The following ASIC2 variants were observed in gnomAD, a reference collection of about 807,000 sequenced individuals.
ASIC2 encodes acid sensing ion channel subunit 2, also known as acid-sensing ion channel 2.
Under a neutral mutation model 57.3 loss-of-function variants are expected in ASIC2, and 25 were observed. That is an observed-to-expected ratio of 0.44 (90% CI 0.32 to 0.61). The LOEUF is 0.61. ASIC2 is among the 20% of genes least tolerant of loss of function. The probability of loss-of-function intolerance (pLI) is 0.06; values close to 1 mark genes in which losing one functional copy is unlikely to be tolerated. For synonymous variants in ASIC2, 319 were observed against 307.5 expected (o/e 1.04, Z -0.39); for missense variants, 641 against 738.1 (o/e 0.87, Z 1.52).
intron 3 of ASIC2, among the ~76,000 whole-genome samples, chr17:33,061,861 G>T (rs573127737): frequency 1.8e-4 from 28 of 152,304 alleles, no homozygotes; most frequent in African/African-American, 4.3e-4. Flanking sequence ...TCTATTCAGA[G>T]ATTCAACTTC....
intron 1 of ASIC2, among the ~76,000 whole-genome samples, chr17:33,233,547 C>G (rs1908186986): frequency 1.0e-5 from 1 of 99,512 alleles, no homozygotes; most frequent in South Asian, 3.0e-4. Flanking sequence ...CACACACACA[C>G]ACACACACAC....
At chr17:33,814,207 G>A (rs1912512074) in intron 1 of ASIC2, among the ~76,000 whole-genome samples, 1 of 152,190 alleles carries the variant, frequency 6.6e-6, no homozygotes, top group African/African-American at 2.4e-5. Context: ...AGCTGGAAGT[G>A]TAAGCCTAAA....
Position 33,021,854 on chromosome 17 carries a change from G to A in ASIC2, c.1350-544C>T, listed in dbSNP as rs192497009. 2.6e-3 allele frequency among the ~76,000 whole-genome samples: 389 copies of A among 152,348 alleles called. 2 individuals are homozygous for A. Among genetic ancestry groups the A allele is most frequent in the South Asian group, 0.014 (67 of 4,830 alleles). ...GAGCAAACTTACATCTGGCTGGGGG[G>A]TGTTCTGGCAGAAGCACCGCGGCTT... On this transcript the variant is annotated intron_variant, in intron 6 of 9. Coordinates refer to ENST00000225823, the MANE Select transcript of ASIC2 (RefSeq NM_183377.2).
intron 1 of ASIC2, among the ~76,000 whole-genome samples, chr17:33,784,862 T>C (rs1349836962): frequency 6.6e-6 from 1 of 152,164 alleles, no homozygotes; most frequent in Non-Finnish European, 1.5e-5. Context: ...TGCAGGACCT[T>C]ATGACATGCC....
At chr17:33,945,835 G>C (rs1188145183) in intron 1 of ASIC2, among the ~76,000 whole-genome samples, 1 of 152,234 alleles carries the variant, frequency 6.6e-6, no homozygotes, top group Non-Finnish European at 1.5e-5. Context: ...GGCAGTCTCA[G>C]AAACAATAAA....
chr17:33,553,911 GA>G (rs1915826373), intron 1 of ASIC2, among the ~76,000 whole-genome samples: 1 of 152,186 alleles, frequency 6.6e-6, no homozygotes. Flanking sequence ...AAAGAACTTT[GA>G]TTGTTCTGCA....
chr17:33,635,254 A>G (rs1262851008), intron 1 of ASIC2, among the ~76,000 whole-genome samples: 2 of 152,212 alleles, frequency 1.3e-5, no homozygotes, highest in African/African-American at 4.8e-5. Flanking sequence ...TAACGTAGCT[A>G]AGATTCAGTG....
intron 1 of ASIC2, among the ~76,000 whole-genome samples, chr17:33,320,547 G>A (rs1014113444): frequency 3.9e-5 from 6 of 152,204 alleles, no homozygotes; most frequent in Non-Finnish European, 7.3e-5. Context: ...GGTTAGTATG[G>A]AGTTGAGGTG....
chr17:33,963,897 T>G (rs1194744840), intron 1 of ASIC2, among the ~76,000 whole-genome samples: 1 of 152,216 alleles, frequency 6.6e-6, no homozygotes, highest in Non-Finnish European at 1.5e-5. Flanking sequence ...AAAGAAAGAT[T>G]GCTAAATTTG....
chr17:33,629,800 G>A (rs1444920984), intron 1 of ASIC2, among the ~76,000 whole-genome samples: 1 of 152,332 alleles, frequency 6.6e-6, no homozygotes, highest in Admixed American at 6.5e-5. Context: ...AGAAGCTCTG[G>A]CCTTCAGTAA....
chr17:33,287,830 C>T (rs1905257566), intron 1 of ASIC2, among the ~76,000 whole-genome samples: 1 of 152,164 alleles, frequency 6.6e-6, no homozygotes, highest in Non-Finnish European at 1.5e-5. Context: ...TTGGGGAGCA[C>T]AGGTGTCTGG....
chr17:33,860,134 G>A (rs913624334), intron 1 of ASIC2, among the ~76,000 whole-genome samples: 26 of 152,122 alleles, frequency 1.7e-4, no homozygotes, highest in African/African-American at 5.8e-4. Context: ...TTTTTAACAT[G>A]GAGATTATGG....
chr17:34,122,653 T>C (rs1439057654), intron 1 of ASIC2, among the ~76,000 whole-genome samples: 1 of 152,186 alleles, frequency 6.6e-6, no homozygotes, highest in Non-Finnish European at 1.5e-5. Context: ...CATAAAACCA[T>C]AGCCAGTGCT....
At chr17:33,897,216 T>A (rs1168932599) in intron 1 of ASIC2, among the ~76,000 whole-genome samples, 2 of 152,218 alleles carry the variant, frequency 1.3e-5, no homozygotes, top group East Asian at 3.8e-4. Flanking sequence ...TGTGTCAAAA[T>A]GAGACTCACT....
chr17:33,695,253 T>A (rs973104137), intron 1 of ASIC2, among the ~76,000 whole-genome samples: 1 of 152,162 alleles, frequency 6.6e-6, no homozygotes, highest in Non-Finnish European at 1.5e-5. Flanking sequence ...CAAGTTCATG[T>A]CTAACTCTGA....
chr17:33,142,266 G>A (rs1219256935), intron 1 of ASIC2, among the ~76,000 whole-genome samples: 1 of 152,238 alleles, frequency 6.6e-6, no homozygotes, highest in South Asian at 2.1e-4. Context: ...GTGCTCAGAT[G>A]TTTGAGACAC....
intron 1 of ASIC2, among the ~76,000 whole-genome samples, chr17:33,849,986 A>G (rs1420072127): frequency 6.6e-6 from 1 of 151,784 alleles, no homozygotes. Flanking sequence ...TAGATATACA[A>G]AGTATTTTTT....
At chr17:34,039,767 T>C in intron 1 of ASIC2, 1 of 1,611,934 alleles carries the variant, frequency 6.2e-7, no homozygotes, top group Non-Finnish European at 8.5e-7. Context: ...AAGCTCTGGT[T>C]GGAAGACTCA....
intron 1 of ASIC2, among the ~76,000 whole-genome samples, chr17:33,124,455 A>G (rs1018727522): frequency 2.6e-5 from 4 of 152,304 alleles, no homozygotes; most frequent in East Asian, 3.9e-4. Context: ...GGGACTCACA[A>G]TTGTTTTCAG....
Sources: gnomAD v4.1 joint callset for allele counts (sites outside exome capture counted in the v4.1 genomes callset) on GRCh38, gnomAD v4.1.1 for gene constraint, MANE v1.5 for transcripts, NCBI Gene and HGNC (gene_info 2026-07-23, HGNC 2026-07-21) for gene names.